TRAF3: variants seen among roughly 807,000 people sequenced by gnomAD.
TRAF3 encodes the protein TNF receptor associated factor 3.
Under a neutral mutation model 62.3 loss-of-function variants are expected in TRAF3, and 13 were observed. The observed-to-expected ratio is 0.21, with a 90% CI of 0.14 to 0.33. The LOEUF is 0.33. Among genes scored for constraint, TRAF3 ranks in the 10% least tolerant of loss-of-function variants. The probability of loss-of-function intolerance (pLI) is 1.00; values close to 1 mark genes in which losing one functional copy is unlikely to be tolerated. For synonymous variants in TRAF3, 269 were observed against 283.4 expected (o/e 0.95, Z 0.51); for missense variants, 440 against 741.8 (o/e 0.59, Z 4.73).
intron 2 of TRAF3, among the ~76,000 whole-genome samples, chr14:102,841,709 A>G (rs1886383822): frequency 6.6e-6 from 1 of 152,238 alleles, no homozygotes; most frequent in Non-Finnish European, 1.5e-5. Context: ...TCTAGCATCT[A>G]ATAAATAATT....
chr14:102,811,052 C>G (rs948520368), intron 1 of TRAF3, among the ~76,000 whole-genome samples: 24 of 152,148 alleles, frequency 1.6e-4, no homozygotes, highest in Admixed American at 1.3e-4. Flanking sequence ...CTCATTATCC[C>G]CACACCATTA....
At chr14:102,830,997 T>C (rs1385111463) in intron 2 of TRAF3, among the ~76,000 whole-genome samples, 1 of 152,226 alleles carries the variant, frequency 6.6e-6, no homozygotes. Context: ...CCAGATTCCA[T>C]TGAACCCTGG....
intron 4 of TRAF3, among the ~76,000 whole-genome samples, chr14:102,874,850 T>C (rs560371829): frequency 1.3e-5 from 2 of 151,802 alleles, no homozygotes; most frequent in Non-Finnish European, 2.9e-5. Context: ...AGAGATAGGG[T>C]CTCATTGTGT....
chr14:102,865,042 G>A (rs1887902194), intron 2 of TRAF3, among the ~76,000 whole-genome samples: 1 of 152,158 alleles, frequency 6.6e-6, no homozygotes, highest in South Asian at 2.1e-4. Context: ...AAGACATCAT[G>A]TCTATTGTCC....
chr14:102,877,634 C>T (rs760804367), intron 6 of TRAF3, among the ~76,000 whole-genome samples: 12 of 147,618 alleles, frequency 8.1e-5, no homozygotes, highest in African/African-American at 2.8e-4. Context: ...CCGCTCAGCT[C>T]ATAGATAATC....
chr14:102,866,344 C>T (rs936148933), intron 2 of TRAF3, among the ~76,000 whole-genome samples: 4 of 152,072 alleles, frequency 2.6e-5, no homozygotes, highest in African/African-American at 9.7e-5. Flanking sequence ...CAGCAAACCA[C>T]AACGGCACGT....
rs1158509184 is a variant in TRAF3 at position 102,903,686 on chromosome 14, G to T, written c.1135+257G>T. On this transcript the variant is annotated intron_variant, in intron 11 of 11. Transcript: ENST00000392745. This position sits in a 1 kb window ranked among gnomAD's most constrained non-coding sequence, Gnocchi z 6.4. ...AAAGTAGGGGCAGCTGCAGCCACGG[G>T]AAGCTGCAAAGCCCTCCTGGGAGAG... 3.2e-6 allele frequency: 2 copies of T among 618,518 alleles called. No homozygotes were observed. Among genetic ancestry groups the T allele is most frequent in the Admixed American group, 4.3e-5 (2 of 46,776 alleles). The allele number at this position is 618,518 out of a possible 1,614,324, so 38.3% of individuals were successfully genotyped here.
intron 4 of TRAF3, among the ~76,000 whole-genome samples, 156 bp downstream of exon 4, chr14:102,872,124 C>T (rs773829928): frequency 6.6e-6 from 1 of 152,216 alleles, no homozygotes; most frequent in Non-Finnish European, 1.5e-5. Context: ...CATGTGATCA[C>T]CTGGGCAGAC....
intron 10 of TRAF3, among the ~76,000 whole-genome samples, chr14:102,901,295 C>T (rs1348917410): frequency 6.6e-6 from 1 of 152,130 alleles, no homozygotes; most frequent in African/African-American, 2.4e-5. Context: ...TGAGGCTCAG[C>T]GTGAGGCGCA....
intron 2 of TRAF3, among the ~76,000 whole-genome samples, chr14:102,850,010 C>T (rs1022480395): frequency 3.3e-5 from 5 of 152,190 alleles, no homozygotes; most frequent in Non-Finnish European, 7.4e-5. Context: ...TTGGTTTTCC[C>T]CGGGCTTTCC....
intron 10 of TRAF3, among the ~76,000 whole-genome samples, chr14:102,901,653 G>A (rs1388975322): frequency 6.6e-6 from 1 of 152,192 alleles, no homozygotes; most frequent in East Asian, 1.9e-4. Context: ...GGAAAGAGGT[G>A]TTCTTTAGAG....
chr14:102,790,259 T>G (rs900939059), intron 1 of TRAF3, among the ~76,000 whole-genome samples: 1 of 152,210 alleles, frequency 6.6e-6, no homozygotes, highest in Non-Finnish European at 1.5e-5. Context: ...CCAGCACCAT[T>G]TATTGAAAAC....
At chr14:102,840,637 T>G (rs892676280) in intron 2 of TRAF3, among the ~76,000 whole-genome samples, 6 of 152,166 alleles carry the variant, frequency 3.9e-5, no homozygotes, top group African/African-American at 1.4e-4. Flanking sequence ...ATATAAAACT[T>G]TGGTATTTTG....
intron 2 of TRAF3, among the ~76,000 whole-genome samples, chr14:102,853,763 G>T (rs8017180): frequency 7.9e-5 from 12 of 151,258 alleles, no homozygotes; most frequent in African/African-American, 2.7e-4. Context: ...GCTTGGGCCC[G>T]GGAGGCGGAG....
At position 102,910,187 on chromosome 14, in the gene TRAF3, A is replaced by C. The variant is rs373563762; in HGVS notation, c.*4403A>C. ...CCCTTGCTCAATCCCCGGCCCTCCCAGACTCCTCCCTCTACTGGGGGTAAT... is the reference window on the plus strand; with the variant it reads ...CCCTTGCTCAATCCCCGGCCCTCCCCGACTCCTCCCTCTACTGGGGGTAAT... On this transcript the variant is annotated 3_prime_UTR_variant, in exon 12 of 12. Coordinates refer to ENST00000392745, the MANE Select transcript of TRAF3 (RefSeq NM_145725.3). 2 of 152,204 alleles carry C rather than the reference A, an allele frequency of 1.3e-5. No homozygotes were observed. Among genetic ancestry groups the C allele is most frequent in the Non-Finnish European group, 2.9e-5 (2 of 68,038 alleles). 9.4% of individuals were successfully genotyped at this position (152,204 alleles called of 1,614,324 possible). A position where few individuals can be genotyped will look rare whatever the true frequency, so the allele number is the denominator to read the frequency against.
chr14:102,881,818 C>T (rs577720515), intron 6 of TRAF3, among the ~76,000 whole-genome samples: 1 of 152,298 alleles, frequency 6.6e-6, no homozygotes, highest in Admixed American at 6.5e-5. Flanking sequence ...AGAATAGAAT[C>T]CAACAACTGA....
intron 1 of TRAF3, among the ~76,000 whole-genome samples, chr14:102,782,136 G>A (rs1035533905): frequency 2.0e-5 from 3 of 151,730 alleles, no homozygotes; most frequent in Non-Finnish European, 4.4e-5. Flanking sequence ...ACAGGGTTTC[G>A]CCATGTTGGC....
chr14:102,885,340 G>T (rs995615352), intron 6 of TRAF3, among the ~76,000 whole-genome samples: 1 of 152,190 alleles, frequency 6.6e-6, no homozygotes, highest in South Asian at 2.1e-4. Context: ...AAAGATGGAT[G>T]GGGGAGGATT....
chr14:102,894,658 G>A (rs1889906545), intron 9 of TRAF3, among the ~76,000 whole-genome samples: 1 of 152,210 alleles, frequency 6.6e-6, no homozygotes, highest in African/African-American at 2.4e-5. Flanking sequence ...AATAAGGGAA[G>A]TCCTAAAGTG....
Sources: allele counts gnomAD v4.1 joint callset (sites outside exome capture counted in the v4.1 genomes callset), GRCh38; gene constraint gnomAD v4.1.1; non-coding constraint Gnocchi (gnomAD v3.1); transcripts MANE v1.5; gene names NCBI Gene and HGNC (gene_info 2026-07-23, HGNC 2026-07-21).